ST6GALNAC3: variants seen among roughly 807,000 people sequenced by gnomAD.
ST6GALNAC3 encodes alpha-N-acetylgalactosaminide alpha-2,6-sialyltransferase 3.
A neutral mutation model predicts 32.7 loss-of-function variants in ST6GALNAC3; 25 were observed. That is an observed-to-expected ratio of 0.76 (90% CI 0.56 to 1.07). ST6GALNAC3 has a LOEUF of 1.07. Ranked by LOEUF, ST6GALNAC3 falls within the 50% of genes least tolerant of loss-of-function variation. The pLI, the probability that ST6GALNAC3 is intolerant of heterozygous loss-of-function variation, is 0.00. For synonymous variants in ST6GALNAC3, 129 were observed against 133.1 expected, an observed-to-expected ratio of 0.97 and a Z score of 0.21; for missense variants, 355 against 382.4, an observed-to-expected ratio of 0.93 and a Z score of 0.60.
intron 3 of ST6GALNAC3, among the ~76,000 whole-genome samples, chr1:76,417,199 C>A (rs937062453): frequency 6.6e-6 from 1 of 150,406 alleles, no homozygotes; most frequent in African/African-American, 2.4e-5. Context: ...TCTTCTGGGG[C>A]CCAGTTGTTT....
intron 2 of ST6GALNAC3, among the ~76,000 whole-genome samples, chr1:76,346,840 C>A (rs1427901191): frequency 6.6e-6 from 1 of 152,104 alleles, no homozygotes; most frequent in African/African-American, 2.4e-5. Context: ...CTGTTCTTAG[C>A]ATAGTCCCTG....
intron 1 of ST6GALNAC3, among the ~76,000 whole-genome samples, chr1:76,284,492 A>G (rs368741055): frequency 2.5e-4 from 38 of 152,210 alleles, no homozygotes; most frequent in African/African-American, 8.9e-4. Context: ...TTGGGGTCCA[A>G]TTAGCAACAT....
chr1:76,585,337 G>T (rs1570367966), intron 3 of ST6GALNAC3, among the ~76,000 whole-genome samples: 1 of 150,924 alleles, frequency 6.6e-6, no homozygotes, highest in East Asian at 2.0e-4. Flanking sequence ...AGTGAGCTAA[G>T]ATCATGCCAC....
rs914858390 is a variant in ST6GALNAC3, at chr1:76,576,847, A to G, written c.624-50605A>G. 3.8e-6 allele frequency: 5 copies of G among 1,304,892 alleles called. No homozygotes were observed. In the African/African-American group the frequency reaches 7.6e-5, roughly 20 times the overall value. The allele number at this position is 1,304,892 out of a possible 1,614,324, so 80.8% of individuals were successfully genotyped here. On this transcript the variant is annotated intron_variant, in intron 3 of 4. Coordinates refer to ENST00000328299, the MANE Select transcript of ST6GALNAC3 (RefSeq NM_152996.4). ...CTTCTCCATTCCCATGATATCCAGT[A>G]CAGAGTGACCATGCAGTGTTGATTG...
rs1649428453 is a variant in ST6GALNAC3, at chr1:76,634,104, A to G, written c.*5298A>G. On this transcript the variant is annotated 3_prime_UTR_variant, in exon 5 of 5. Transcript: ENST00000328299. The stretch of plus-strand genomic sequence containing the variant: ...TCAGAATAGGCACTTTTTTTTGAGT[A>G]GAAAACCTCTTCTTTCTCCACAGAT... The G allele has an allele frequency of 5.1e-6, 5 of 977,906 alleles. No individual in the cohort carries two copies. Among genetic ancestry groups the G allele is most frequent in the Non-Finnish European group, 6.1e-6 (5 of 823,696 alleles). The allele number at this position is 977,906 out of a possible 1,614,324, so 60.6% of individuals were successfully genotyped here.
At chr1:76,579,426 T>C (rs987523443) in intron 3 of ST6GALNAC3, among the ~76,000 whole-genome samples, 16 of 152,158 alleles carry the variant, frequency 1.1e-4, no homozygotes, top group Middle Eastern at 6.8e-3. Flanking sequence ...TTTTTATATA[T>C]GAGTAGAATA....
intron 1 of ST6GALNAC3, among the ~76,000 whole-genome samples, chr1:76,189,429 G>T (rs570828424): frequency 6.6e-5 from 10 of 152,144 alleles, no homozygotes; most frequent in African/African-American, 1.2e-4. Context: ...TCCCCACATT[G>T]GTCTGGGCTG....
At chr1:76,610,006 G>A (rs1428159701) in intron 3 of ST6GALNAC3, among the ~76,000 whole-genome samples, 1 of 152,034 alleles carries the variant, frequency 6.6e-6, no homozygotes, top group African/African-American at 2.4e-5. Flanking sequence ...TAAGTGGGAT[G>A]TACTGTCATT....
At chr1:76,223,876 A>C (rs150691199) in intron 1 of ST6GALNAC3, among the ~76,000 whole-genome samples, 1,757 of 152,222 alleles carry the variant, frequency 0.012, 33 homozygotes, top group African/African-American at 0.04. Context: ...TTTTCACCTA[A>C]GTTCATCAAT....
intron 3 of ST6GALNAC3, among the ~76,000 whole-genome samples, chr1:76,414,614 C>T (rs1654490146): frequency 6.6e-6 from 1 of 152,032 alleles, no homozygotes; most frequent in Admixed American, 6.6e-5. Flanking sequence ...TATAGAGACA[C>T]TAGTGGTGTA....
intron 3 of ST6GALNAC3, among the ~76,000 whole-genome samples, chr1:76,446,432 T>C (rs1285856018): frequency 6.6e-6 from 1 of 152,206 alleles, no homozygotes; most frequent in East Asian, 1.9e-4. Flanking sequence ...GTATCAATAT[T>C]ATAGCATCAT....
At chr1:76,121,168 C>T (rs1448997176) in intron 1 of ST6GALNAC3, among the ~76,000 whole-genome samples, 1 of 152,188 alleles carries the variant, frequency 6.6e-6, no homozygotes, top group Non-Finnish European at 1.5e-5. Flanking sequence ...GTCCCTTTGG[C>T]ATGGAAAGTA....
intron 1 of ST6GALNAC3, among the ~76,000 whole-genome samples, chr1:76,075,156 C>G (rs997232462): frequency 1.3e-5 from 2 of 152,254 alleles, no homozygotes; most frequent in South Asian, 4.1e-4. Context: ...GGCTGTGTGC[C>G]GAATAATGGG....
chr1:76,413,325 A>G (rs1462178291), intron 3 of ST6GALNAC3, among the ~76,000 whole-genome samples: 1 of 152,176 alleles, frequency 6.6e-6, no homozygotes, highest in Non-Finnish European at 1.5e-5. Context: ...TATTGAAACC[A>G]ATAGCTAAAG....
chr1:76,274,111 C>G (rs2100763913), intron 1 of ST6GALNAC3, among the ~76,000 whole-genome samples: 1 of 152,232 alleles, frequency 6.6e-6, no homozygotes, highest in Admixed American at 6.5e-5. Context: ...ATTCATAGTT[C>G]AAGAGAGTTT....
intron 3 of ST6GALNAC3, among the ~76,000 whole-genome samples, chr1:76,581,582 T>C (rs1372218044): frequency 1.3e-5 from 2 of 152,204 alleles, no homozygotes; most frequent in Non-Finnish European, 2.9e-5. Context: ...ATTTTTACTG[T>C]ACTCACTCCA....
Position 76,570,094 on chromosome 1 carries a change from A to G in ST6GALNAC3, c.624-57358A>G, listed in dbSNP as rs1665773972. On this transcript the variant is annotated intron_variant, in intron 3 of 4. Coordinates refer to ENST00000328299, the MANE Select transcript of ST6GALNAC3 (RefSeq NM_152996.4). The stretch of plus-strand genomic sequence containing the variant: ...GAAGGGCTGAGCTATACTCTGAACT[A>G]TGGAAATAATGGATCTAATTTAGAT... 1.3e-5 allele frequency among the ~76,000 whole-genome samples: 2 copies of G among 152,158 alleles called. 1 individual carries two copies. The highest frequency in any genetic ancestry group is 4.1e-4 in the South Asian group (2 of 4,834).
intron 3 of ST6GALNAC3, chr1:76,577,082 G>C: frequency 9.2e-7 from 1 of 1,081,846 alleles, no homozygotes; most frequent in Non-Finnish European, 1.1e-6. Flanking sequence ...AGGTATGATG[G>C]TTACAGTTTT....
chr1:76,335,857 G>A (rs1647430634), intron 2 of ST6GALNAC3, among the ~76,000 whole-genome samples: 1 of 152,204 alleles, frequency 6.6e-6, no homozygotes, highest in Non-Finnish European at 1.5e-5. Flanking sequence ...ATGCTGGAAT[G>A]ACTTATTTCT....
Sources: gnomAD v4.1 joint callset for allele counts (sites outside exome capture counted in the v4.1 genomes callset) on GRCh38, gnomAD v4.1.1 for gene constraint, MANE v1.5 for transcripts, NCBI Gene and HGNC (gene_info 2026-07-23, HGNC 2026-07-21) for gene names.